SPIRE1: variants seen among roughly 807,000 people sequenced by gnomAD.
SPIRE1 encodes protein spire homolog 1.
A neutral mutation model predicts 94.1 loss-of-function variants in SPIRE1; 40 were observed. That is an observed-to-expected ratio of 0.43 (90% CI 0.33 to 0.55). The LOEUF is 0.55. Ranked by LOEUF, SPIRE1 falls within the 20% of genes least tolerant of loss-of-function variation. The pLI is 0.06. For synonymous variants in SPIRE1, 376 were observed against 371.7 expected (o/e 1.01, Z -0.13); for missense variants, 838 against 975.2 (o/e 0.86, Z 1.87).
At chr18:12,545,897 C>T (rs1417224029) in intron 3 of SPIRE1, among the ~76,000 whole-genome samples, 2 of 152,082 alleles carry the variant, frequency 1.3e-5, no homozygotes, top group East Asian at 3.9e-4. Flanking sequence ...TATCTAAAAG[C>T]GGTTTCTTGA....
chr18:12,660,086 A>G (rs1467404595), upstream of SPIRE1, among the ~76,000 whole-genome samples: 1 of 152,174 alleles, frequency 6.6e-6, no homozygotes, highest in Non-Finnish European at 1.5e-5. Flanking sequence ...TTGGACAACT[A>G]CAGCCAAACA....
At chr18:12,517,896 G>A (rs1208780559) in intron 4 of SPIRE1, among the ~76,000 whole-genome samples, 1 of 152,046 alleles carries the variant, frequency 6.6e-6, no homozygotes, top group African/African-American at 2.4e-5. Context: ...GCATTTTAAT[G>A]ATCACCATTT....
intron 9 of SPIRE1, among the ~76,000 whole-genome samples, chr18:12,482,697 C>A (rs2032886767): frequency 6.6e-6 from 1 of 152,060 alleles, no homozygotes; most frequent in Admixed American, 6.5e-5. Context: ...ATTCTCAATG[C>A]AGGGGATTTG....
chr18:12,595,421 T>C (rs79646000), intron 2 of SPIRE1, among the ~76,000 whole-genome samples: 1,917 of 152,354 alleles, frequency 0.013, 42 homozygotes, highest in African/African-American at 0.044. Context: ...AAATGTGTTA[T>C]ACTCAGATTT....
intron 9 of SPIRE1, among the ~76,000 whole-genome samples, chr18:12,483,592 A>G (rs542406978): frequency 6.6e-6 from 1 of 152,318 alleles, no homozygotes; most frequent in Admixed American, 6.5e-5. Context: ...TAATACCTGT[A>G]TAGGAAAAAT....
intron 12 of SPIRE1, among the ~76,000 whole-genome samples, chr18:12,460,094 G>A (rs781151404): frequency 2.6e-5 from 4 of 152,198 alleles, no homozygotes; most frequent in Admixed American, 2.0e-4. Context: ...GCATCCACAC[G>A]TATAAATCAG....
intron 2 of SPIRE1, among the ~76,000 whole-genome samples, chr18:12,611,288 G>T (rs933755120): frequency 6.6e-6 from 1 of 152,142 alleles, no homozygotes; most frequent in Non-Finnish European, 1.5e-5. Flanking sequence ...GTGTCCATGT[G>T]ATCAACAGAA....
At chr18:12,597,815 G>C (rs894489657) in intron 2 of SPIRE1, among the ~76,000 whole-genome samples, 2 of 152,186 alleles carry the variant, frequency 1.3e-5, no homozygotes, top group African/African-American at 2.4e-5. Context: ...GCTGGAGGAA[G>C]AAGAGTGGAA....
chr18:12,535,375 A>T (rs2034804440), intron 4 of SPIRE1, 101 bp downstream of exon 4: 18 of 1,270,118 alleles, frequency 1.4e-5, no homozygotes, highest in Admixed American at 4.1e-5. Flanking sequence ...CTTTTAAAAC[A>T]ATACAGCGGA....
intron 10 of SPIRE1, among the ~76,000 whole-genome samples, chr18:12,473,754 C>T (rs1333385959): frequency 6.6e-6 from 1 of 152,108 alleles, no homozygotes; most frequent in Non-Finnish European, 1.5e-5. Context: ...CAAAGAAATT[C>T]AGAACTAAAT....
chr18:12,476,557 AAAAAAAAATATAT>A (rs1180743534), intron 10 of SPIRE1, among the ~76,000 whole-genome samples: 1,340 of 83,846 alleles, frequency 0.016, 10 homozygotes, highest in African/African-American at 0.074. Context: ...AAAAAAAAAA[AAAAAAAAATATAT>A]ATATATATAT....
intron 2 of SPIRE1, among the ~76,000 whole-genome samples, chr18:12,558,562 A>G (rs1282710069): frequency 6.6e-6 from 1 of 152,184 alleles, no homozygotes; most frequent in Non-Finnish European, 1.5e-5. Context: ...TCCATTTTAC[A>G]GAGAGCTGAT....
intron 2 of SPIRE1, among the ~76,000 whole-genome samples, chr18:12,564,780 C>A (rs2035775400): frequency 1.3e-5 from 2 of 152,092 alleles, no homozygotes; most frequent in African/African-American, 4.8e-5. Flanking sequence ...AAAAAAACTC[C>A]AGGGGACCTG....
intron 2 of SPIRE1, among the ~76,000 whole-genome samples, chr18:12,574,036 G>T (rs1169786144): frequency 6.6e-6 from 1 of 152,136 alleles, no homozygotes; most frequent in Non-Finnish European, 1.5e-5. Context: ...ACCGCTCCCG[G>T]CCGACTTTTA....
At chr18:12,482,747 G>A (rs2032888533) in intron 9 of SPIRE1, among the ~76,000 whole-genome samples, 1 of 152,076 alleles carries the variant, frequency 6.6e-6, no homozygotes, top group African/African-American at 2.4e-5. Flanking sequence ...TGAACCCTGT[G>A]CTATGAGATT....
intron 5 of SPIRE1, among the ~76,000 whole-genome samples, chr18:12,509,869 T>TG (rs1297129358): frequency 6.6e-5 from 10 of 151,936 alleles, no homozygotes; most frequent in Non-Finnish European, 1.0e-4. Context: ...GATCACCAGG[T>TG]AGGTCAGGAG....
At chr18:12,573,906 A>AT (rs1224193821) in intron 2 of SPIRE1, among the ~76,000 whole-genome samples, 2 of 151,894 alleles carry the variant, frequency 1.3e-5, no homozygotes, top group African/African-American at 4.8e-5. Context: ...CGCCCGGCTA[A>AT]TTTTTTGTAT....
At chr18:12,459,236 A>G (rs2031669621) in intron 12 of SPIRE1, among the ~76,000 whole-genome samples, 2 of 152,274 alleles carry the variant, frequency 1.3e-5, no homozygotes, top group African/African-American at 4.8e-5. Context: ...AGTGACGTAC[A>G]CACCCTGGTT....
chr18:12,595,869 G>C (rs568948631), intron 2 of SPIRE1, among the ~76,000 whole-genome samples: 9 of 152,278 alleles, frequency 5.9e-5, no homozygotes, highest in African/African-American at 9.6e-5. Context: ...CAGATATCTA[G>C]GTGTATTTAG....
Sources: gnomAD v4.1 joint callset for allele counts (sites outside exome capture counted in the v4.1 genomes callset) on GRCh38, gnomAD v4.1.1 for gene constraint, MANE v1.5 for transcripts, NCBI Gene and HGNC (gene_info 2026-07-23, HGNC 2026-07-21) for gene names.